Variants in GRID2 observed in about 807,000 individuals in gnomAD.
The protein encoded by GRID2 is glutamate ionotropic receptor delta type subunit 2, also known as glutamate receptor ionotropic, delta-2.
Under a neutral mutation model 114.8 loss-of-function variants are expected in GRID2, and 33 were observed. That is an observed-to-expected ratio of 0.29 (90% confidence interval 0.22 to 0.38). GRID2 has a LOEUF of 0.38. Among genes scored for constraint, GRID2 ranks in the 10% least tolerant of loss-of-function variants. The pLI is 1.00. For synonymous variants in GRID2, 505 were observed against 449.9 expected (o/e 1.12, Z -1.55); for missense variants, 1,184 against 1,257.7 (o/e 0.94, Z 0.89).
chr4:92,426,725 A>T (rs1163915430), intron 1 of GRID2, among the ~76,000 whole-genome samples: 1 of 152,162 alleles, frequency 6.6e-6, no homozygotes, highest in African/African-American at 2.4e-5. Context: ...AAATTATCAC[A>T]TACATTTTTT....
At chr4:93,593,333 T>A (rs1313596050) in intron 13 of GRID2, among the ~76,000 whole-genome samples, 11 of 140,780 alleles carry the variant, frequency 7.8e-5, no homozygotes, top group African/African-American at 2.9e-4. Context: ...TGGCTGGATA[T>A]GAAATTCTGG....
chr4:93,207,331 A>G, intron 4 of GRID2, 73 bp from the exon 5 acceptor site: 1 of 993,808 alleles, frequency 1.0e-6, no homozygotes, highest in South Asian at 1.3e-5. Context: ...GTCATTTGCA[A>G]AGTATATTCA....
At chr4:92,743,622 T>C (rs1423242236) in intron 2 of GRID2, among the ~76,000 whole-genome samples, 1 of 152,186 alleles carries the variant, frequency 6.6e-6, no homozygotes, top group Non-Finnish European at 1.5e-5. Context: ...CTAAAGAAAC[T>C]GCTCATCAAA....
chr4:93,452,083 G>T (rs569669596), intron 10 of GRID2, among the ~76,000 whole-genome samples: 1 of 152,270 alleles, frequency 6.6e-6, no homozygotes, highest in South Asian at 2.1e-4. Context: ...AGATGGAATT[G>T]CCTAGGCAGA....
In GRID2 at chr4:92,962,438, G is replaced by A. The variant is rs1578615044; in HGVS notation, c.245-122557G>A. Among the ~76,000 whole-genome samples, 4 of 151,806 alleles carry A rather than the reference G, an allele frequency of 2.6e-5. No individual in the cohort carries two copies. In the East Asian group the frequency reaches 7.8e-4, roughly 30 times the overall value. ...CTCCCACCCTCTTTTACCTTTAATA[G>A]GATAGCTAGAATGGGCTGACGTTGA... On this transcript the variant is annotated intron_variant, in intron 2 of 15. Transcript: ENST00000282020.
intron 8 of GRID2, among the ~76,000 whole-genome samples, chr4:93,330,570 C>G (rs1758317455): frequency 6.6e-6 from 1 of 152,022 alleles, no homozygotes; most frequent in Non-Finnish European, 1.5e-5. Flanking sequence ...TTATAAATAT[C>G]AAATAAAATA....
chr4:93,186,889 G>A (rs927649823), intron 4 of GRID2, among the ~76,000 whole-genome samples: 3 of 152,264 alleles, frequency 2.0e-5, no homozygotes, highest in African/African-American at 4.8e-5. Flanking sequence ...TATAAACAAC[G>A]TAAGTTTATT....
At chr4:92,451,350 A>G (rs1171088572) in intron 1 of GRID2, among the ~76,000 whole-genome samples, 2 of 152,208 alleles carry the variant, frequency 1.3e-5, no homozygotes, top group Non-Finnish European at 2.9e-5. Flanking sequence ...CTCAATTTAG[A>G]AAGGATTCAT....
At chr4:92,915,481 T>TA (rs1004086064) in intron 2 of GRID2, among the ~76,000 whole-genome samples, 3 of 152,112 alleles carry the variant, frequency 2.0e-5, no homozygotes, top group Non-Finnish European at 4.4e-5. Context: ...AGCTTTACAA[T>TA]ATGAATTTTA....
chr4:92,858,977 A>C (rs1744350640), intron 2 of GRID2, among the ~76,000 whole-genome samples: 2 of 152,242 alleles, frequency 1.3e-5, no homozygotes, highest in Non-Finnish European at 2.9e-5. Flanking sequence ...AATATTGCAT[A>C]AACTGATTTG....
chr4:93,491,687 T>G (rs1354018207), intron 12 of GRID2, among the ~76,000 whole-genome samples: 1 of 151,892 alleles, frequency 6.6e-6, no homozygotes, highest in African/African-American at 2.4e-5. Context: ...TAATTAGATA[T>G]GTCAGGGAAT....
chr4:93,001,116 C>T (rs977231437), intron 2 of GRID2, among the ~76,000 whole-genome samples: 2 of 151,540 alleles, frequency 1.3e-5, no homozygotes, highest in African/African-American at 4.8e-5. Flanking sequence ...AATGTTATGT[C>T]AGCAAATACA....
intron 2 of GRID2, among the ~76,000 whole-genome samples, chr4:92,746,337 T>A (rs191827355): frequency 6.6e-6 from 1 of 152,260 alleles, no homozygotes; most frequent in East Asian, 1.9e-4. Context: ...TTGTGACAGT[T>A]TTTATTTTTA....
At chr4:92,711,959 G>A (rs1293825259) in intron 2 of GRID2, among the ~76,000 whole-genome samples, 1 of 152,140 alleles carries the variant, frequency 6.6e-6, no homozygotes, top group Non-Finnish European at 1.5e-5. Context: ...CAATCCAGAT[G>A]ATGTCTTTAT....
At chr4:93,253,570 C>A (rs1000515282) in intron 8 of GRID2, among the ~76,000 whole-genome samples, 6 of 151,890 alleles carry the variant, frequency 4.0e-5, no homozygotes, top group Admixed American at 3.3e-4. Context: ...AAATTAGTAA[C>A]CATGTTGAAA....
rs149596927 is a variant in GRID2 at position 92,637,191 on chromosome 4, T to C, written c.244+46905T>C. 3.0e-3 allele frequency among the ~76,000 whole-genome samples: 460 copies of C among 152,150 alleles called. 5 individuals carry two copies. In the East Asian group the frequency reaches 0.035, roughly 12 times the overall value. On this transcript the variant is annotated intron_variant, in intron 2 of 15. Coordinates refer to ENST00000282020, the MANE Select transcript of GRID2 (RefSeq NM_001510.4). The stretch of plus-strand genomic sequence containing the variant: ...CTTGACTTAAGAAGAGGAAGACATC[T>C]ACAATAAAAATTTACTATGCAGATT...
At chr4:93,559,222 C>A (rs1201093593) in intron 13 of GRID2, among the ~76,000 whole-genome samples, 1 of 152,032 alleles carries the variant, frequency 6.6e-6, no homozygotes, top group African/African-American at 2.4e-5. Flanking sequence ...CAACAGAAGC[C>A]AAAATTGACA....
intron 2 of GRID2, among the ~76,000 whole-genome samples, chr4:92,625,879 C>T (rs1340722847): frequency 6.6e-6 from 1 of 151,718 alleles, no homozygotes; most frequent in Non-Finnish European, 1.5e-5. Context: ...ATACCTAAAA[C>T]GATTAGCCAT....
At chr4:93,483,296 T>TTTTG (rs1292288903) in intron 11 of GRID2, among the ~76,000 whole-genome samples, 2 of 151,968 alleles carry the variant, frequency 1.3e-5, no homozygotes, top group African/African-American at 4.8e-5. Context: ...TTTTTAGCCA[T>TTTTG]TTTGTTAGTA....
Sources: allele counts gnomAD v4.1 joint callset (sites outside exome capture counted in the v4.1 genomes callset), GRCh38; gene constraint gnomAD v4.1.1; transcripts MANE v1.5; gene names NCBI Gene and HGNC (gene_info 2026-07-23, HGNC 2026-07-21).